NUP205: variants seen among roughly 807,000 people sequenced by gnomAD.
NUP205 encodes nucleoporin 205, also known as nuclear pore complex protein Nup205.
In NUP205, 76 loss-of-function variants were observed where a neutral mutation model predicts 253.8. The ratio of observed to expected loss-of-function variants is 0.30; its 90% CI spans 0.25 to 0.36. The LOEUF is 0.36. Among genes scored for constraint, NUP205 ranks in the 10% least tolerant of loss-of-function variants. NUP205 has a pLI of 1.00. For missense variants in NUP205, 2,162 were observed against 2,425.5 expected (o/e 0.89, Z 2.28); for synonymous variants, 832 against 850.1 (o/e 0.98, Z 0.37).
rs542777846 is a variant in NUP205, at chr7:135,605,755, T to A, written c.2824-390T>A. 7.4e-4 allele frequency among the ~76,000 whole-genome samples: 112 copies of A among 152,222 alleles called. 1 individual carries two copies. The South Asian group carries it at 8.5e-3, about 12-fold the overall frequency. ...TAGAAAATGGGTGATAAGTAATACA[T>A]TTCTAAAGAGAGAAGATGAAAATTT... On this transcript the variant is annotated intron_variant, in intron 19 of 42. Transcript: ENST00000285968.
rs560579671 is a variant in NUP205 at position 135,603,603 on chromosome 7, A to T, written c.2702+609A>T. 3.4e-5 allele frequency among the ~76,000 whole-genome samples: 5 copies of T among 147,536 alleles called. No homozygotes were observed. In the East Asian group the frequency reaches 5.9e-4, roughly 17 times the overall value. On this transcript the variant is annotated intron_variant, in intron 18 of 42. Transcript: ENST00000285968. ...TGGCTCACTGCAACCTTCGCCTCCC[A>T]GGCTCAGGCGATTCTCCCACCTCAG... is the stretch of plus-strand genomic sequence containing the variant.
chr7:135,646,061 A>G, intron 41 of NUP205, 97 bp from the exon 42 acceptor site: 1 of 783,272 alleles, frequency 1.3e-6, no homozygotes, highest in Non-Finnish European at 2.2e-6. Flanking sequence ...CGTGTTTTTC[A>G]TGGTGCTATT....
chr7:135,559,685 CCTTTTTTTTTTTTTT>C (rs1301177169), intron 1 of NUP205, among the ~76,000 whole-genome samples: 1 of 124,974 alleles, frequency 8.0e-6, no homozygotes, highest in Non-Finnish European at 1.7e-5. Flanking sequence ...CATTTATTTT[CCTTTTTTTTTTTTTT>C]CTTTTTTTGA....
intron 3 of NUP205, among the ~76,000 whole-genome samples, chr7:135,574,980 A>T (rs1170559538): frequency 6.6e-6 from 1 of 152,234 alleles, no homozygotes; most frequent in African/African-American, 2.4e-5. Context: ...TTCACTAGAC[A>T]TGCTTGAGTT....
In NUP205 at chr7:135,617,126, A is replaced by G; in HGVS notation, c.3569A>G (p.Asp1190Gly). 4 of 1,613,230 alleles carry G rather than the reference A, an allele frequency of 2.5e-6. No individual in the cohort carries two copies. The highest frequency in any genetic ancestry group is 3.4e-6 in the Non-Finnish European group (4 of 1,179,602). ...ATTCTAAATATTCTTGACTCGATTG[A>G]CTTCAGTCAGGAGATCCCTGAGCCT... ...RKILNILDSI[D>G]FSQEIPEPLQ... The change falls in exon 26 of 43, where the codon GAC becomes GGC. Residue 1190 changes from aspartate to glycine, a missense_variant. Physicochemically the swap from Asp to Gly is moderately conservative, Grantham distance 94. Coordinates refer to ENST00000285968, the MANE Select transcript of NUP205 (RefSeq NM_015135.3).
At chr7:135,615,856 A>G in intron 23 of NUP205, 60 bp from the exon 24 acceptor site, 1 of 1,114,826 alleles carries the variant, frequency 9.0e-7, no homozygotes, top group South Asian at 2.1e-5. Context: ...ACAGAATTTA[A>G]GTCTGTTTTG....
rs183858979 is a variant in NUP205, at chr7:135,625,394, C to T, written c.4671+39C>T. 3.5e-4 allele frequency: 516 copies of T among 1,472,576 alleles called. 1 individual carries two copies. The highest frequency in any genetic ancestry group is 4.2e-4 in the Non-Finnish European group (457 of 1,090,960). 91.2% of individuals were successfully genotyped at this position (1,472,576 alleles called of 1,614,324 possible). On this transcript the variant is annotated intron_variant, in intron 32 of 42. Transcript: ENST00000285968. ...GACATTTGATGTTAGATCAAGAAGT[C>T]GTTTTCTCTTGGCTATAGATGTATT...
chr7:135,630,394 C>A lies in NUP205; in HGVS notation c.4983C>A (p.Arg1661=). ...SHSDTIQAIL[R]CQDVSAGSLQ... is the part of the protein sequence containing the mutation. ...CTGATACCATACAAGCAATTCTGCG[C>A]TGTCAGGATGTTAGTGCTGGGTCTT... Residue 1661 remains arginine (R), a synonymous_variant, in exon 35 of 43, where the codon CGC becomes CGA. Coordinates refer to ENST00000285968, the MANE Select transcript of NUP205 (RefSeq NM_015135.3). 2 of 1,609,700 alleles carry A rather than the reference C, an allele frequency of 1.2e-6. No homozygotes were observed.
chr7:135,561,485 G>T (rs930812009), intron 1 of NUP205, among the ~76,000 whole-genome samples: 1 of 152,208 alleles, frequency 6.6e-6, no homozygotes, highest in Non-Finnish European at 1.5e-5. Context: ...CTGCTTGGCA[G>T]TCCTTCTGTG....
chr7:135,571,461 G>A (rs1050988958), intron 2 of NUP205, among the ~76,000 whole-genome samples: 52 of 149,478 alleles, frequency 3.5e-4, no homozygotes, highest in African/African-American at 1.2e-3. Flanking sequence ...GGCTTGTCTT[G>A]GACTTCTGGC....
At chr7:135,603,409 A>G (rs987722528) in intron 18 of NUP205, among the ~76,000 whole-genome samples, 19 of 151,804 alleles carry the variant, frequency 1.3e-4, no homozygotes, top group Admixed American at 9.2e-4. Context: ...CACCGCGCCC[A>G]GCCTTATTTT....
intron 41 of NUP205, 26 bp from the exon 42 acceptor site, chr7:135,646,132 G>T (rs1340877350): frequency 6.6e-7 from 1 of 1,526,288 alleles, no homozygotes; most frequent in Non-Finnish European, 9.1e-7. Flanking sequence ...TGCACAGCCG[G>T]TATGACTCTG....
chr7:135,635,728 GC>G, intron 36 of NUP205, 71 bp downstream of exon 36: 1 of 884,218 alleles, frequency 1.1e-6, no homozygotes, highest in Non-Finnish European at 1.8e-6. Context: ...TCCCCATTGT[GC>G]CCCCTAGATT....
intron 33 of NUP205, among the ~76,000 whole-genome samples, chr7:135,626,846 G>T (rs1794601507): frequency 6.6e-6 from 1 of 152,080 alleles, no homozygotes; most frequent in Non-Finnish European, 1.5e-5. Context: ...AATTTGATTT[G>T]ATTTTCTTTT....
chr7:135,636,025 C>G (rs1794804501), intron 36 of NUP205, among the ~76,000 whole-genome samples: 1 of 151,106 alleles, frequency 6.6e-6, no homozygotes, highest in Non-Finnish European at 1.5e-5. Context: ...TGTGAATAAG[C>G]CACGAGCAGA....
In NUP205 at chr7:135,603,008, G is replaced by C. The variant is rs1793995978; in HGVS notation, c.2702+14G>C. The C allele has an allele frequency of 6.3e-7, 1 of 1,588,174 alleles. No homozygotes were observed. Among genetic ancestry groups the C allele is most frequent in the Non-Finnish European group, 8.6e-7 (1 of 1,161,078 alleles). The stretch of plus-strand genomic sequence containing the variant: ...AAACATTGCCAGGTAAGTTACCTTT[G>C]TAGGTAGAGAAATGAAGTAAACAGA... On this transcript the variant is annotated intron_variant, in intron 18 of 42. Transcript: ENST00000285968.
At chr7:135,635,504 AT>A in intron 35 of NUP205, 76 bp from the exon 36 acceptor site, 1 of 843,198 alleles carries the variant, frequency 1.2e-6, no homozygotes, top group Non-Finnish European at 1.9e-6. Context: ...AATATAAAAT[AT>A]TAGAACCTCT....
chr7:135,631,840 C>T (rs557458124), intron 35 of NUP205, among the ~76,000 whole-genome samples: 4 of 151,368 alleles, frequency 2.6e-5, no homozygotes, highest in Admixed American at 2.0e-4. Flanking sequence ...AGCTCCGCCT[C>T]CCCGATTCAC....
rs200543537 is a variant in NUP205 at position 135,577,255 on chromosome 7, CT to C, written c.648+136del. On this transcript the variant is annotated intron_variant, in intron 5 of 42. Transcript: ENST00000285968. ...GATACCATGCCTGATTGCCACTTTT[CT>C]TTTTTTTTGCTTTTATTATTTTTCA... 1,075 of 886,948 alleles carry C rather than the reference CT, an allele frequency of 1.2e-3. 3 individuals carry two copies. Among genetic ancestry groups the C allele is most frequent in the African/African-American group, 8.6e-3 (498 of 57,768 alleles). 54.9% of individuals were successfully genotyped at this position (886,948 alleles called of 1,614,324 possible).
Sources: allele counts gnomAD v4.1 joint callset (sites outside exome capture counted in the v4.1 genomes callset), GRCh38; gene constraint gnomAD v4.1.1; transcripts MANE v1.5; gene names NCBI Gene and HGNC (gene_info 2026-07-23, HGNC 2026-07-21).